SHOC1: variants seen among roughly 807,000 people sequenced by gnomAD.
SHOC1 encodes the protein protein shortage in chiasmata 1 ortholog.
Under a neutral mutation model 179.2 loss-of-function variants are expected in SHOC1, and 136 were observed. The ratio of observed to expected loss-of-function variants is 0.76; its 90% CI spans 0.66 to 0.87. The LOEUF is 0.87. SHOC1 is among the 40% of genes least tolerant of loss of function. The probability of loss-of-function intolerance (pLI) is 0.00; values close to 1 mark genes in which losing one functional copy is unlikely to be tolerated. For missense variants in SHOC1, 1,538 were observed against 1,700.8 expected (o/e 0.90, Z 1.68); for synonymous variants, 489 against 586.6 (o/e 0.83, Z 2.41).
At chr9:111,785,685 C>T (rs567798659) in intron 3 of SHOC1, among the ~76,000 whole-genome samples, 2 of 152,272 alleles carry the variant, frequency 1.3e-5, no homozygotes, top group East Asian at 1.9e-4. Context: ...TCATCATCTA[C>T]ATATCTTTTA....
intron 26 of SHOC1, among the ~76,000 whole-genome samples, 186 bp from the exon 27 acceptor site, chr9:111,692,697 T>G (rs1831500375): frequency 6.6e-6 from 1 of 152,220 alleles, no homozygotes; most frequent in Admixed American, 6.5e-5. Context: ...TTCATACTTA[T>G]TTTCTAATCA....
intron 12 of SHOC1, among the ~76,000 whole-genome samples, chr9:111,733,842 A>G (rs1564134076): frequency 6.6e-6 from 1 of 151,428 alleles, no homozygotes; most frequent in African/African-American, 2.4e-5. Context: ...TGGGCAACAG[A>G]GCAAGACTCT....
Position 111,758,147 on chromosome 9 carries a change from A to G in SHOC1, c.645T>C (p.Asp215=), listed in dbSNP as rs147579935. ...AAAAGTTCACTTTATCCATACAAAA[A>G]TCTTCTTTCACAAAAGCTTCCAAAG... ...QETLEAFVKE[D]FCMDKVNFCQ... is the part of the protein sequence containing the mutation. Residue 215 remains aspartate, a synonymous_variant, in exon 7 of 28, where the codon GAT becomes GAC. Coordinates refer to ENST00000682961, the MANE Select transcript of SHOC1 (RefSeq NM_001378211.1). 30 of 1,590,454 alleles carry G rather than the reference A, an allele frequency of 1.9e-5. No individual in the cohort carries two copies. The highest frequency in any genetic ancestry group is 2.7e-5 in the African/African-American group (2 of 74,158).
At chr9:111,750,256 C>G (rs188306333) in intron 8 of SHOC1, among the ~76,000 whole-genome samples, 41 of 152,060 alleles carry the variant, frequency 2.7e-4, no homozygotes, top group Admixed American at 2.6e-3. Context: ...TTCATTGTGG[C>G]TTTGATTTGC....
intron 3 of SHOC1, among the ~76,000 whole-genome samples, chr9:111,782,140 A>G (rs1836087422): frequency 6.6e-6 from 1 of 152,210 alleles, no homozygotes; most frequent in African/African-American, 2.4e-5. Flanking sequence ...TGAACCCGGG[A>G]GGCGGAGCTT....
chr9:111,690,299 G>A (rs1474458190), intron 27 of SHOC1, among the ~76,000 whole-genome samples: 1 of 152,022 alleles, frequency 6.6e-6, no homozygotes, highest in African/African-American at 2.4e-5. Flanking sequence ...GGTGGTGCAT[G>A]CCTGTAATCC....
At chr9:111,721,797 A>C (rs1204937009) in intron 15 of SHOC1, among the ~76,000 whole-genome samples, 1 of 151,874 alleles carries the variant, frequency 6.6e-6, no homozygotes, top group Non-Finnish European at 1.5e-5. Context: ...CTGTTTCCTC[A>C]ACTTAAATTG....
Position 111,785,894 on chromosome 9 carries a change from A to G in SHOC1, c.169+18T>C. On this transcript the variant is annotated intron_variant, in intron 3 of 27. Transcript: ENST00000682961. Reference sequence around the variant, plus strand: ...ATGGCTTTTAAAACACATTTTTAAGAAATGAAAACAAACATACCTCTCGTC... The same window carrying G: ...ATGGCTTTTAAAACACATTTTTAAGGAATGAAAACAAACATACCTCTCGTC... The G allele has an allele frequency of 7.0e-7, 1 of 1,438,438 alleles. No individual in the cohort carries two copies. 89.1% of individuals were successfully genotyped at this position (1,438,438 alleles called of 1,614,324 possible). A position where few individuals can be genotyped will look rare whatever the true frequency, so the allele number is the denominator to read the frequency against.
At chr9:111,761,322 C>T (rs1287151950) in intron 5 of SHOC1, among the ~76,000 whole-genome samples, 2 of 151,832 alleles carry the variant, frequency 1.3e-5, no homozygotes, top group Non-Finnish European at 2.9e-5. Flanking sequence ...GCCTACATGG[C>T]GAAACCCCCT....
chr9:111,702,524 A>G (rs908866863), intron 22 of SHOC1, among the ~76,000 whole-genome samples: 18 of 152,212 alleles, frequency 1.2e-4, no homozygotes, highest in Non-Finnish European at 2.6e-4. Flanking sequence ...AGGCTAGTCC[A>G]ATTTTCTATT....
intron 18 of SHOC1, among the ~76,000 whole-genome samples, chr9:111,712,445 A>T (rs1564117561): frequency 6.7e-6 from 1 of 150,122 alleles, no homozygotes. Flanking sequence ...TCTCATCTCT[A>T]TGCGGTATAT....
At chr9:111,719,887 T>C (rs1832959828) in intron 15 of SHOC1, among the ~76,000 whole-genome samples, 1 of 152,168 alleles carries the variant, frequency 6.6e-6, no homozygotes, top group Non-Finnish European at 1.5e-5. Flanking sequence ...AAAAAATATA[T>C]AGGACATCTA....
intron 9 of SHOC1, among the ~76,000 whole-genome samples, chr9:111,747,542 C>T (rs78701982): frequency 0.014 from 2,106 of 152,072 alleles, 45 homozygotes; most frequent in African/African-American, 0.047. Context: ...CTCCATTCCT[C>T]TTCTACACTC....
At chr9:111,763,972 T>A (rs1011436366) in intron 5 of SHOC1, among the ~76,000 whole-genome samples, 2 of 152,146 alleles carry the variant, frequency 1.3e-5, no homozygotes, top group Admixed American at 1.3e-4. Flanking sequence ...AGTAATCTCC[T>A]CTTATCTGAG....
chr9:111,706,076 C>G (rs1422615808), intron 20 of SHOC1, among the ~76,000 whole-genome samples: 1 of 152,026 alleles, frequency 6.6e-6, no homozygotes, highest in Non-Finnish European at 1.5e-5. Context: ...CAAAATGTAT[C>G]AGATTTATGG....
In SHOC1 at chr9:111,727,953, A is replaced by G; in HGVS notation, c.1514T>C (p.Leu505Pro). 6.2e-7 allele frequency: 1 copy of G among 1,613,286 alleles called. No individual in the cohort carries two copies. The highest frequency in any genetic ancestry group is 1.1e-5 in the South Asian group (1 of 90,934). Residue 505 changes from leucine to proline, a missense_variant, in exon 13 of 28, where the codon CTG becomes CCG. Physicochemically the swap from Leu to Pro is moderately conservative, Grantham distance 98. Transcript: ENST00000682961. ...ACATAGATCTGGTACTTCTTTTGCC[A>G]GAGATGGACTCTTTTGTGGAAGTGA... ...HLSLPQKSPSLAKEVPDLCFS... is the reference protein window; with the variant it reads ...HLSLPQKSPSPAKEVPDLCFS...
chr9:111,784,507 G>A (rs549336736), intron 3 of SHOC1, among the ~76,000 whole-genome samples: 1 of 152,274 alleles, frequency 6.6e-6, no homozygotes, highest in Non-Finnish European at 1.5e-5. Flanking sequence ...AGATTTCTCT[G>A]TCTCTCCTCT....
chr9:111,708,921 TATA>T (rs1196504849), intron 18 of SHOC1, among the ~76,000 whole-genome samples: 1 of 152,220 alleles, frequency 6.6e-6, no homozygotes, highest in African/African-American at 2.4e-5. Flanking sequence ...GAAGGTGTGA[TATA>T]ATAATAATGA....
rs1343589022 is a variant in SHOC1 at position 111,778,794 on chromosome 9, GAC to G, written c.257+2134_257+2135del. On this transcript the variant is annotated intron_variant, in intron 4 of 27. Coordinates refer to ENST00000682961, the MANE Select transcript of SHOC1 (RefSeq NM_001378211.1). The stretch of plus-strand genomic sequence containing the variant: ...TCAAAAAAAAAAAAAAAAAAAAAGA[GAC>G]AGAGAGAGAGAGAAAGTACTGGTGG... Among the ~76,000 whole-genome samples the G allele has an allele frequency of 1.8e-3, 241 of 134,772 alleles. 1 individual carries two copies. Among genetic ancestry groups the G allele is most frequent in the Middle Eastern group, 0.013 (3 of 226 alleles). The allele number at this position is 134,772 out of a possible 152,430, so 88.4% of individuals were successfully genotyped here. A position where few individuals can be genotyped will look rare whatever the true frequency, so the allele number is the denominator to read the frequency against.
Sources: gnomAD v4.1 joint callset for allele counts (sites outside exome capture counted in the v4.1 genomes callset) on GRCh38, gnomAD v4.1.1 for gene constraint, MANE v1.5 for transcripts, NCBI Gene and HGNC (gene_info 2026-07-23, HGNC 2026-07-21) for gene names.